GOLGB1: variants seen among roughly 807,000 people sequenced by gnomAD.
GOLGB1 encodes golgin subfamily B member 1.
Under a neutral mutation model 336.9 loss-of-function variants are expected in GOLGB1, and 174 were observed. The observed-to-expected ratio is 0.52, with a 90% confidence interval of 0.46 to 0.59. GOLGB1 has a LOEUF of 0.59. Ranked by LOEUF, GOLGB1 falls within the 20% of genes least tolerant of loss-of-function variation. The pLI is 0.00. For synonymous variants in GOLGB1, 1,208 were observed against 1,289.2 expected (o/e 0.94, Z 1.35); for missense variants, 3,331 against 3,645.3 (o/e 0.91, Z 2.22).
chr3:121,690,906 C>T lies in GOLGB1; in HGVS notation c.8458G>A (p.Glu2820Lys). ...KLNQQLLSKD[E>K]QLLHLSSQLE... ...TGTGAGGACAAGTGAAGCAATTGCTCATCTTTGGATAGGAGCTGTTGGTTA... is the reference window on the plus strand; with the variant it reads ...TGTGAGGACAAGTGAAGCAATTGCTTATCTTTGGATAGGAGCTGTTGGTTA... Residue 2820 changes from glutamate (E) to lysine (K), a missense_variant, in exon 14 of 22, where the codon GAG becomes AAG. By Grantham distance (56) the Glu-to-Lys change is moderately conservative. Transcript: ENST00000614479. 1 of 1,614,126 alleles carries T rather than the reference C, an allele frequency of 6.2e-7. No individual in the cohort carries two copies.
At chr3:121,713,061 C>G (rs1944474140) in intron 10 of GOLGB1, among the ~76,000 whole-genome samples, 1 of 152,090 alleles carries the variant, frequency 6.6e-6, no homozygotes, top group South Asian at 2.1e-4. Context: ...ACTTGGGAGG[C>G]TGAGGCAGGA....
chr3:121,706,733 CAAAAAAA>C (rs1200925309), intron 10 of GOLGB1, among the ~76,000 whole-genome samples: 22 of 16,156 alleles, frequency 1.4e-3, no homozygotes, highest in African/African-American at 4.9e-3. Context: ...GACTCTGTCT[CAAAAAAA>C]AAAAAAAAAA....
At chr3:121,713,202 G>A (rs1221524736) in intron 10 of GOLGB1, among the ~76,000 whole-genome samples, 1 of 152,036 alleles carries the variant, frequency 6.6e-6, no homozygotes, top group African/African-American at 2.4e-5. Flanking sequence ...AAAAGACCTG[G>A]CAGTTCCTTA....
At chr3:121,699,002 C>G in intron 12 of GOLGB1, 73 bp from the exon 13 acceptor site, 1 of 1,152,912 alleles carries the variant, frequency 8.7e-7, no homozygotes, top group Admixed American at 2.5e-5. Context: ...CAACTAAAAA[C>G]TTGTATTTCA....
Position 121,696,379 on chromosome 3 carries a change from T to C in GOLGB1, c.4144A>G (p.Ser1382Gly), listed in dbSNP as rs759858599. Residue 1382 changes from serine (S) to glycine (G), a missense_variant, in exon 13 of 22, where the codon AGC becomes GGC. Transcript: ENST00000614479. ...TCTAGGCCAGCAATTTGTAGTTGGC[T>C]GCTTTCCAATTTCTGCTGCAGGCTT... is the stretch of plus-strand genomic sequence containing the variant. ...AESLQQKLES[S>G]QLQIAGLEHL... 3.1e-6 allele frequency: 5 copies of C among 1,614,202 alleles called. No individual in the cohort carries two copies. The highest frequency in any genetic ancestry group is 4.2e-6 in the Non-Finnish European group (5 of 1,180,014).
intron 1 of GOLGB1, among the ~76,000 whole-genome samples, chr3:121,733,734 C>T (rs1472639546): frequency 6.6e-6 from 1 of 152,094 alleles, no homozygotes; most frequent in East Asian, 1.9e-4. Flanking sequence ...AAATGGAGAG[C>T]CTAGAAATAG....
chr3:121,667,731 C>A, intron 19 of GOLGB1, 121 bp from the exon 20 acceptor site: 2 of 849,130 alleles, frequency 2.4e-6, no homozygotes, highest in East Asian at 2.6e-5. Flanking sequence ...TGTCTAAACA[C>A]AATATTTTAA....
intron 14 of GOLGB1, among the ~76,000 whole-genome samples, chr3:121,684,151 A>C (rs1941453161): frequency 6.7e-6 from 1 of 148,554 alleles, no homozygotes; most frequent in Non-Finnish European, 1.5e-5. Flanking sequence ...AAAAAAAAAA[A>C]ACAAGAAAAT....
At chr3:121,729,123 G>T in intron 4 of GOLGB1, 65 bp downstream of exon 4, 1 of 1,052,576 alleles carries the variant, frequency 9.5e-7, no homozygotes, top group South Asian at 1.6e-5. Context: ...TGTGATTGGT[G>T]AAGATCTGCT....
chr3:121,665,349 A>T (rs1392142856), intron 20 of GOLGB1, among the ~76,000 whole-genome samples: 1 of 152,242 alleles, frequency 6.6e-6, no homozygotes, highest in Non-Finnish European at 1.5e-5. Context: ...AGGCTTACAG[A>T]GGTTAAATTA....
chr3:121,731,026 G>T (rs1358922939), intron 1 of GOLGB1, 53 bp from the exon 2 acceptor site: 22 of 1,560,860 alleles, frequency 1.4e-5, no homozygotes, highest in Non-Finnish European at 1.6e-5. Context: ...ATGAACATAG[G>T]CTTCTCCTAT....
intron 7 of GOLGB1, among the ~76,000 whole-genome samples, chr3:121,719,345 G>A (rs1193930591): frequency 1.3e-5 from 2 of 152,172 alleles, no homozygotes; most frequent in East Asian, 3.8e-4. Context: ...GGTTAGGTGT[G>A]TAATGCACAA....
chr3:121,694,492 G>A lies in GOLGB1; in HGVS notation c.6031C>T (p.His2011Tyr), dbSNP rs1405345703. ...AACAGTTCCTGAAGTTCCTTTGCATGGCTTTTATTTCCGGGTTCTTTCTGA... is the reference window on the plus strand; with the variant it reads ...AACAGTTCCTGAAGTTCCTTTGCATAGCTTTTATTTCCGGGTTCTTTCTGA... Reference protein sequence around the residue: ...GAQKEPGNKSHAKELQELLKE... With the variant: ...GAQKEPGNKSYAKELQELLKE... Residue 2011 changes from histidine to tyrosine, a missense_variant, in exon 13 of 22, where the codon CAT (histidine) becomes TAT (tyrosine). Physicochemically the swap from His to Tyr is moderately conservative, Grantham distance 83. Transcript: ENST00000614479. The A allele has an allele frequency of 1.2e-6, 2 of 1,611,206 alleles. No homozygotes were observed. The highest frequency in any genetic ancestry group is 8.5e-7 in the Non-Finnish European group (1 of 1,179,564).
intron 17 of GOLGB1, among the ~76,000 whole-genome samples, chr3:121,674,825 C>CTT (rs891603400): frequency 0.018 from 2,180 of 120,982 alleles, 82 homozygotes; most frequent in African/African-American, 0.055. Context: ...AGGTGCCTTT[C>CTT]TTTTTTTTTT....
chr3:121,685,533 C>CTAAATAAATAAATAAA, intron 14 of GOLGB1, among the ~76,000 whole-genome samples: 2 of 145,658 alleles, frequency 1.4e-5, no homozygotes, highest in South Asian at 2.2e-4. Flanking sequence ...GACTCTGTTT[C>CTAAATAAATAAATAAA]TAAATAAATA....
Position 121,716,446 on chromosome 3 carries a change from TC to T in GOLGB1, c.1288+290del, listed in dbSNP as rs541561192. Among the ~76,000 whole-genome samples the T allele has an allele frequency of 2.9e-4, 44 of 152,348 alleles. No individual in the cohort carries two copies. The South Asian group carries it at 7.9e-3, about 27-fold the overall frequency. On this transcript the variant is annotated intron_variant, in intron 9 of 21. Coordinates refer to ENST00000614479, the MANE Select transcript of GOLGB1 (RefSeq NM_001366282.2). ...AAAACTAATTCAAATCCTTCTCGTT[TC>T]AGTCATTGAATCCTTCAGATCAGTC...
chr3:121,738,287 A>G (rs943332473), intron 1 of GOLGB1, among the ~76,000 whole-genome samples: 1 of 152,240 alleles, frequency 6.6e-6, no homozygotes, highest in African/African-American at 2.4e-5. Flanking sequence ...GATTCTGAGA[A>G]GATGGGAGTA....
chr3:121,749,684 C>G lies in GOLGB1; in HGVS notation c.-55G>C, dbSNP rs1432246267. The G allele has an allele frequency of 6.6e-6, 1 of 152,620 alleles. No homozygotes were observed. The highest frequency in any genetic ancestry group is 2.4e-5 in the African/African-American group (1 of 41,454). The allele number at this position is 152,620 out of a possible 1,614,324, so 9.5% of individuals were successfully genotyped here. A position where few individuals can be genotyped will look rare whatever the true frequency, so the allele number is the denominator to read the frequency against. On this transcript the variant is annotated 5_prime_UTR_variant, in exon 1 of 22. Coordinates refer to ENST00000614479, the MANE Select transcript of GOLGB1 (RefSeq NM_001366282.2). Reference sequence around the variant, plus strand: ...GCTGCCCCCCTCCCAATTCAAGCCACGTCAGCTCGGGAAGCCCGTACGCGA... The same window carrying G: ...GCTGCCCCCCTCCCAATTCAAGCCAGGTCAGCTCGGGAAGCCCGTACGCGA...
At chr3:121,727,750 C>A (rs1945786362) in intron 4 of GOLGB1, among the ~76,000 whole-genome samples, 1 of 152,128 alleles carries the variant, frequency 6.6e-6, no homozygotes, top group East Asian at 1.9e-4. Context: ...ACCCCCTAAA[C>A]AAAGCTATTT....
Sources: allele counts gnomAD v4.1 joint callset (sites outside exome capture counted in the v4.1 genomes callset), GRCh38; gene constraint gnomAD v4.1.1; transcripts MANE v1.5; gene names NCBI Gene and HGNC (gene_info 2026-07-23, HGNC 2026-07-21).